Variants in SNRPC observed in about 807,000 individuals in gnomAD.
The protein encoded by SNRPC is U1 small nuclear ribonucleoprotein C.
In SNRPC, 5 loss-of-function variants were observed where a neutral mutation model predicts 20.0. The ratio of observed to expected loss-of-function variants is 0.25; its 90% CI spans 0.13 to 0.53. SNRPC has a LOEUF of 0.53. Among genes scored for constraint, SNRPC ranks in the 20% least tolerant of loss-of-function variants. The pLI is 0.96. For synonymous variants in SNRPC, 61 were observed against 58.7 expected, an observed-to-expected ratio of 1.04 and a Z score of -0.18; for missense variants, 112 against 224.1, an observed-to-expected ratio of 0.50 and a Z score of 3.19.
At chr6:34,763,065 G>T (rs1489685908) in intron 3 of SNRPC, among the ~76,000 whole-genome samples, 1 of 152,186 alleles carries the variant, frequency 6.6e-6, no homozygotes, top group African/African-American at 2.4e-5. Flanking sequence ...ATAGGAGCAG[G>T]TGAGGAGTGG....
chr6:34,768,843 A>C (rs1764649577), intron 4 of SNRPC, among the ~76,000 whole-genome samples: 1 of 152,054 alleles, frequency 6.6e-6, no homozygotes, highest in African/African-American at 2.4e-5. Flanking sequence ...CTTTCTGGGA[A>C]AGTTTGTTGT....
At chr6:34,768,512 G>A (rs918978457) in intron 4 of SNRPC, among the ~76,000 whole-genome samples, 2 of 152,142 alleles carry the variant, frequency 1.3e-5, no homozygotes, top group Non-Finnish European at 2.9e-5. Context: ...AGCACTTTGG[G>A]AGGCTGAGGT....
In SNRPC at chr6:34,767,900, C is replaced by CTCATG; in HGVS notation, c.161-6_161-5insATGTC. The CTCATG allele has an allele frequency of 6.8e-7, 1 of 1,478,296 alleles. No individual in the cohort carries two copies. Among genetic ancestry groups the CTCATG allele is most frequent in the Non-Finnish European group, 8.9e-7 (1 of 1,128,354 alleles). 91.6% of individuals were successfully genotyped at this position (1,478,296 alleles called of 1,614,324 possible). On this transcript the variant is annotated splice_polypyrimidine_tract_variant and splice_region_variant and intron_variant, in intron 3 of 5. Transcript: ENST00000244520. Reference sequence around the variant, plus strand: ...CTTTTTTTTTTTTTTTTTCCTCACCCTCCAAAGCGGCTGCATTTCAACAAG... The same window carrying CTCATG: ...CTTTTTTTTTTTTTTTTTCCTCACCCTCATGTCCAAAGCGGCTGCATTTCAACAAG...
In SNRPC at chr6:34,767,892, T is replaced by TTTACACAC; in HGVS notation, c.161-16_161-15insTTACACAC. 6.8e-7 allele frequency: 1 copy of TTTACACAC among 1,472,704 alleles called. No homozygotes were observed. The highest frequency in any genetic ancestry group is 8.9e-7 in the Non-Finnish European group (1 of 1,128,102). The allele number at this position is 1,472,704 out of a possible 1,614,324, so 91.2% of individuals were successfully genotyped here. A position where few individuals can be genotyped will look rare whatever the true frequency, so the allele number is the denominator to read the frequency against. On this transcript the variant is annotated splice_polypyrimidine_tract_variant and intron_variant, in intron 3 of 5. Transcript: ENST00000244520. Reference sequence around the variant, plus strand: ...TTATTCATCTTTTTTTTTTTTTTTTTCCTCACCCTCCAAAGCGGCTGCATT... The same window carrying TTTACACAC: ...TTATTCATCTTTTTTTTTTTTTTTTTTTACACACCCTCACCCTCCAAAGCGGCTGCATT...
At chr6:34,759,995 C>A (rs1021937903) in intron 2 of SNRPC, among the ~76,000 whole-genome samples, 1 of 152,008 alleles carries the variant, frequency 6.6e-6, no homozygotes, top group African/African-American at 2.4e-5. Flanking sequence ...TCTATTGTCA[C>A]CTTATTTGAA....
chr6:34,759,630 A>T (rs910321942), intron 2 of SNRPC, among the ~76,000 whole-genome samples: 1 of 152,358 alleles, frequency 6.6e-6, no homozygotes, highest in African/African-American at 2.4e-5. Context: ...ACGTTGAAGA[A>T]TACAGTGATC....
intron 4 of SNRPC, 151 bp downstream of exon 4, chr6:34,768,148 G>A (rs936671343): frequency 3.3e-5 from 19 of 571,916 alleles, no homozygotes; most frequent in Non-Finnish European, 5.4e-5. Context: ...GAATATAGAT[G>A]CAGGTAGTAA....
At chr6:34,765,593 C>A (rs1764602611) in intron 3 of SNRPC, among the ~76,000 whole-genome samples, 1 of 151,738 alleles carries the variant, frequency 6.6e-6, no homozygotes, top group African/African-American at 2.4e-5. Flanking sequence ...CATGCCACCA[C>A]ACCTGGCTAA....
At chr6:34,765,650 G>T (rs1257525838) in intron 3 of SNRPC, among the ~76,000 whole-genome samples, 1 of 151,914 alleles carries the variant, frequency 6.6e-6, no homozygotes, top group Non-Finnish European at 1.5e-5. Flanking sequence ...TGTTGGCCAG[G>T]CTGGTCTTGA....
Position 34,759,038 on chromosome 6 carries a change from A to AAG in SNRPC, c.51+1085_51+1086insGA, listed in dbSNP as rs1554121732. On this transcript the variant is annotated intron_variant, in intron 2 of 5. Transcript: ENST00000244520. ...CCGTCTCAAAAAAAAAAAAAAAAAA[A>AAG]AAAAAAAGAAAAGAAAACCCACGTT... 7.7e-4 allele frequency among the ~76,000 whole-genome samples: 109 copies of AAG among 141,074 alleles called. 2 individuals carry two copies. Among genetic ancestry groups the AAG allele is most frequent in the Middle Eastern group, 3.6e-3 (1 of 274 alleles). The allele number at this position is 141,074 out of a possible 152,430, so 92.6% of individuals were successfully genotyped here. A position where few individuals can be genotyped will look rare whatever the true frequency, so the allele number is the denominator to read the frequency against.
intron 3 of SNRPC, 54 bp downstream of exon 3, chr6:34,762,757 C>T: frequency 1.1e-6 from 1 of 914,580 alleles, no homozygotes; most frequent in Non-Finnish European, 1.8e-6. Context: ...TCTTTCTTAT[C>T]CCTGTCTCTG....
intron 3 of SNRPC, among the ~76,000 whole-genome samples, chr6:34,767,660 T>C (rs572419753): frequency 7.6e-4 from 116 of 152,266 alleles, no homozygotes; most frequent in African/African-American, 2.4e-3. Context: ...GTCTCCCATA[T>C]TTAATTTAGC....
At chr6:34,766,580 C>G (rs550077161) in intron 3 of SNRPC, among the ~76,000 whole-genome samples, 6 of 152,138 alleles carry the variant, frequency 3.9e-5, no homozygotes, top group Non-Finnish European at 8.8e-5. Context: ...TGGGGGGGAG[C>G]CCCTCAGGGA....
At chr6:34,766,362 A>G (rs1454340393) in intron 3 of SNRPC, among the ~76,000 whole-genome samples, 3 of 151,518 alleles carry the variant, frequency 2.0e-5, no homozygotes, top group Non-Finnish European at 4.4e-5. Context: ...CACCATGCTC[A>G]GCTAATCTTT....
intron 2 of SNRPC, 82 bp from the exon 3 acceptor site, chr6:34,762,513 A>G: frequency 1.4e-6 from 1 of 713,346 alleles, no homozygotes; most frequent in Non-Finnish European, 2.5e-6. Flanking sequence ...TAGACACGCT[A>G]CTTATATAAA....
At chr6:34,759,019 CAAA>C (rs755576537) in intron 2 of SNRPC, among the ~76,000 whole-genome samples, 951 of 24,230 alleles carry the variant, frequency 0.039, 3 homozygotes, top group African/African-American at 0.096. Flanking sequence ...GACTCCGTCT[CAAA>C]AAAAAAAAAA....
chr6:34,760,595 C>T (rs1344132294), intron 2 of SNRPC, among the ~76,000 whole-genome samples: 1 of 152,054 alleles, frequency 6.6e-6, no homozygotes, highest in Non-Finnish European at 1.5e-5. Flanking sequence ...CACCTTCTTG[C>T]TAATGCCAGA....
At chr6:34,767,521 A>G (rs866044321) in intron 3 of SNRPC, among the ~76,000 whole-genome samples, 36 of 152,166 alleles carry the variant, frequency 2.4e-4, no homozygotes, top group African/African-American at 7.0e-4. Flanking sequence ...GGATGAATTG[A>G]GAGGGTCACC....
At chr6:34,763,864 A>G (rs1425197310) in intron 3 of SNRPC, among the ~76,000 whole-genome samples, 1 of 149,426 alleles carries the variant, frequency 6.7e-6, no homozygotes, top group Non-Finnish European at 1.5e-5. Context: ...TTACAGGCGC[A>G]TGCCACCGTG....
Sources: gnomAD v4.1 joint callset for allele counts (sites outside exome capture counted in the v4.1 genomes callset) on GRCh38, gnomAD v4.1.1 for gene constraint, MANE v1.5 for transcripts, NCBI Gene and HGNC (gene_info 2026-07-23, HGNC 2026-07-21) for gene names.